The following ADAMTS20 variants were observed in gnomAD, a reference collection of about 807,000 sequenced individuals.
The protein encoded by ADAMTS20 is ADAM metallopeptidase with thrombospondin type 1 motif 20, also known as A disintegrin and metalloproteinase with thrombospondin motifs 20.
Under a neutral mutation model 260.1 loss-of-function variants are expected in ADAMTS20, and 225 were observed. The observed-to-expected ratio is 0.87, with a 90% CI of 0.78 to 0.97. The LOEUF is 0.97. Ranked by LOEUF, ADAMTS20 falls within the 50% of genes least tolerant of loss-of-function variation. The pLI is 0.00. For missense variants in ADAMTS20, 2,400 were observed against 2,337.7 expected (o/e 1.03, Z -0.55); for synonymous variants, 802 against 769.5 (o/e 1.04, Z -0.70).
At chr12:43,522,623 G>A (rs1402396504) in intron 3 of ADAMTS20, among the ~76,000 whole-genome samples, 2 of 152,184 alleles carry the variant, frequency 1.3e-5, no homozygotes, top group South Asian at 2.1e-4. Context: ...ACACTTCACA[G>A]AATTCAGAGG....
intron 4 of ADAMTS20, among the ~76,000 whole-genome samples, chr12:43,500,965 G>C (rs1942749853): frequency 6.6e-6 from 1 of 151,470 alleles, no homozygotes; most frequent in African/African-American, 2.4e-5. Flanking sequence ...AACCAAGTGG[G>C]CCTGAATTCC....
At position 43,492,525 on chromosome 12, in the gene ADAMTS20, G is replaced by C; in HGVS notation, c.1056C>G (p.Asp352Glu). ...DLDDVHPSHH[D>E]TAVLITREDI... The stretch of plus-strand genomic sequence containing the variant: ...CATACCTAGTGATAAGAACAGCAGT[G>C]TCATGGTGGGAAGGGTGAACATCAT... Residue 352 changes from aspartate to glutamate, a missense_variant, in exon 6 of 39, where the codon GAC becomes GAG. By Grantham distance (45) the Asp-to-Glu change is conservative (BLOSUM62 2). Coordinates refer to ENST00000389420, the MANE Select transcript of ADAMTS20 (RefSeq NM_025003.5). The C allele has an allele frequency of 6.2e-7, 1 of 1,613,856 alleles. No individual in the cohort carries two copies. Among genetic ancestry groups the C allele is most frequent in the Non-Finnish European group, 8.5e-7 (1 of 1,179,786 alleles).
chr12:43,393,448 G>GT (rs1482555092), intron 29 of ADAMTS20, among the ~76,000 whole-genome samples: 3 of 151,912 alleles, frequency 2.0e-5, no homozygotes, highest in Non-Finnish European at 4.4e-5. Context: ...GTGCTTTAAA[G>GT]ACTTGAGAGT....
Position 43,361,045 on chromosome 12 carries a change from G to A in ADAMTS20, c.5539-4457C>T, listed in dbSNP as rs1054576838. ...AAAACATTTACTTTACTTTACTTTC[G>A]ACATATGCATTCTAAAGTCACACCA... On this transcript the variant is annotated intron_variant, in intron 37 of 38. Coordinates refer to ENST00000389420, the MANE Select transcript of ADAMTS20 (RefSeq NM_025003.5). Among the ~76,000 whole-genome samples the A allele has an allele frequency of 6.6e-5, 10 of 152,024 alleles. No homozygotes were observed. In the South Asian group the frequency reaches 1.9e-3, roughly 28 times the overall value.
At chr12:43,548,065 A>G (rs890527363) in intron 2 of ADAMTS20, among the ~76,000 whole-genome samples, 1 of 152,200 alleles carries the variant, frequency 6.6e-6, no homozygotes, top group Non-Finnish European at 1.5e-5. Context: ...GAATCCACCA[A>G]TATATGAAAC....
chr12:43,396,642 T>G (rs1940709860), intron 29 of ADAMTS20, among the ~76,000 whole-genome samples: 1 of 152,172 alleles, frequency 6.6e-6, no homozygotes, highest in Non-Finnish European at 1.5e-5. Flanking sequence ...GCAAATTATA[T>G]AAAAAAGCAT....
At chr12:43,402,931 A>G (rs1940838218) in intron 28 of ADAMTS20, among the ~76,000 whole-genome samples, 1 of 152,090 alleles carries the variant, frequency 6.6e-6, no homozygotes, top group Admixed American at 6.6e-5. Flanking sequence ...CCCATTTCAG[A>G]AGTAGTGATA....
At chr12:43,483,083 A>G (rs529435550) in intron 7 of ADAMTS20, among the ~76,000 whole-genome samples, 15 of 152,286 alleles carry the variant, frequency 9.8e-5, no homozygotes, top group African/African-American at 3.1e-4. Flanking sequence ...GAAATCTCAG[A>G]GTCTACGTCA....
At chr12:43,542,437 T>C (rs1311611962) in intron 2 of ADAMTS20, among the ~76,000 whole-genome samples, 1 of 152,300 alleles carries the variant, frequency 6.6e-6, no homozygotes, top group Non-Finnish European at 1.5e-5. Flanking sequence ...GTAGCATATA[T>C]TTTCCTAGTT....
At position 43,375,369 on chromosome 12, in the gene ADAMTS20, G is replaced by C; in HGVS notation, c.5446+10C>G. The C allele has an allele frequency of 1.2e-6, 2 of 1,610,248 alleles. No homozygotes were observed. The highest frequency in any genetic ancestry group is 1.7e-6 in the Non-Finnish European group (2 of 1,178,876). On this transcript the variant is annotated intron_variant, in intron 36 of 38. Coordinates refer to ENST00000389420, the MANE Select transcript of ADAMTS20 (RefSeq NM_025003.5). ...GCTTTTTGATTTTAAAATATAGATT[G>C]AGCACTTACTTTTAATTTGCATGGA... is the stretch of plus-strand genomic sequence containing the variant.
At chr12:43,363,394 G>A (rs940733814) in intron 37 of ADAMTS20, among the ~76,000 whole-genome samples, 2 of 152,138 alleles carry the variant, frequency 1.3e-5, no homozygotes, top group African/African-American at 4.8e-5. Context: ...AGGCATGGTA[G>A]ATCAAGCACA....
intron 7 of ADAMTS20, among the ~76,000 whole-genome samples, chr12:43,480,584 A>C (rs1942426566): frequency 6.6e-6 from 1 of 152,234 alleles, no homozygotes. Flanking sequence ...GTAGATAAAG[A>C]AAATGTGGTA....
intron 18 of ADAMTS20, among the ~76,000 whole-genome samples, chr12:43,438,634 G>A (rs989834353): frequency 1.3e-5 from 2 of 152,092 alleles, no homozygotes; most frequent in Admixed American, 6.5e-5. Context: ...CAGGTCAGAT[G>A]GTAGACTGTT....
intron 7 of ADAMTS20, among the ~76,000 whole-genome samples, chr12:43,472,344 C>G (rs1942278937): frequency 6.6e-6 from 1 of 150,776 alleles, no homozygotes; most frequent in South Asian, 2.1e-4. Flanking sequence ...TGTGAAAAGA[C>G]CAAATCTACG....
chr12:43,487,080 C>T (rs1258763012), intron 7 of ADAMTS20, among the ~76,000 whole-genome samples: 1 of 152,124 alleles, frequency 6.6e-6, no homozygotes, highest in East Asian at 1.9e-4. Context: ...TGGGTATTTA[C>T]CCAAAGGAAC....
chr12:43,476,286 C>T, intron 7 of ADAMTS20, among the ~76,000 whole-genome samples: 1 of 64,514 alleles, frequency 1.6e-5, no homozygotes, highest in Non-Finnish European at 2.9e-5. Context: ...AAATCAAAAC[C>T]ACTATGAGAT....
At chr12:43,387,815 G>T (rs1592042219) in intron 29 of ADAMTS20, among the ~76,000 whole-genome samples, 1 of 152,258 alleles carries the variant, frequency 6.6e-6, no homozygotes, top group Middle Eastern at 3.4e-3. Flanking sequence ...CTTCCCTGTG[G>T]CTTTGTTTAC....
At chr12:43,506,232 G>GT (rs36055461) in intron 3 of ADAMTS20, among the ~76,000 whole-genome samples, 116 of 147,224 alleles carry the variant, frequency 7.9e-4, no homozygotes, top group East Asian at 8.0e-4. Flanking sequence ...AAATAAGCCA[G>GT]TTTTTTTTTT....
At chr12:43,449,184 T>G (rs1941818297) in intron 14 of ADAMTS20, among the ~76,000 whole-genome samples, 2 of 152,226 alleles carry the variant, frequency 1.3e-5, no homozygotes, top group South Asian at 4.1e-4. Flanking sequence ...CACATGCAGG[T>G]GTATGTTCAT....
Sources: gnomAD v4.1 joint callset for allele counts (sites outside exome capture counted in the v4.1 genomes callset) on GRCh38, gnomAD v4.1.1 for gene constraint, MANE v1.5 for transcripts, NCBI Gene and HGNC (gene_info 2026-07-23, HGNC 2026-07-21) for gene names.